The following NUP93 variants were observed in gnomAD, a reference collection of about 807,000 sequenced individuals.
NUP93 encodes the protein nuclear pore complex protein Nup93.
In NUP93, 55 loss-of-function variants were observed where a neutral mutation model predicts 107.8. The observed-to-expected ratio is 0.51, with a 90% confidence interval of 0.41 to 0.64. NUP93 has a LOEUF of 0.64. Among genes scored for constraint, NUP93 ranks in the 30% least tolerant of loss-of-function variants. The pLI is 0.00. For missense variants in NUP93, 937 were observed against 1,044.7 expected (o/e 0.90, Z 1.42); for synonymous variants, 390 against 397.5 (o/e 0.98, Z 0.22).
chr16:56,758,476 G>GTCCTAA (rs758146426), intron 2 of NUP93, 62 bp from the exon 3 acceptor site: 12 of 1,219,194 alleles, frequency 9.8e-6, no homozygotes, highest in Admixed American at 5.1e-5. Flanking sequence ...CATATTAGAT[G>GTCCTAA]TCCTAATCCT....
chr16:56,808,537 T>C (rs1417964778), intron 5 of NUP93, among the ~76,000 whole-genome samples: 7 of 118,268 alleles, frequency 5.9e-5, no homozygotes, highest in Non-Finnish European at 8.1e-5. Context: ...AATATAGTTA[T>C]ATAACTATAA....
intron 8 of NUP93, among the ~76,000 whole-genome samples, chr16:56,824,682 T>C (rs982254528): frequency 1.3e-5 from 2 of 152,218 alleles, no homozygotes; most frequent in Admixed American, 1.3e-4. Flanking sequence ...AAAACGATAC[T>C]TCATTAGGAA....
At chr16:56,822,660 A>G (rs76976871) in intron 7 of NUP93, among the ~76,000 whole-genome samples, 26,314 of 148,992 alleles carry the variant, frequency 0.18, 2,473 homozygotes, top group East Asian at 0.32. Context: ...TCCTGGGTTC[A>G]AGCGATTCTC....
In NUP93 at chr16:56,830,560, G is replaced by A. The variant is rs139266728; in HGVS notation, c.960G>A (p.Ala320=). ...DGEVEGHPVW[A]LIYYCMRCGD... The stretch of plus-strand genomic sequence containing the variant: ...AGGTGGAAGGCCATCCTGTGTGGGC[G>A]CTAATTTACTACTGCATGCGCTGTG... The change falls in exon 10 of 22, where the codon GCG becomes GCA. Residue 320 remains alanine, a synonymous_variant. Coordinates refer to ENST00000308159, the MANE Select transcript of NUP93 (RefSeq NM_014669.5). The A allele has an allele frequency of 7.6e-5, 121 of 1,595,518 alleles. No individual in the cohort carries two copies. The East Asian group carries it at 1.9e-3, about 25-fold the overall frequency.
chr16:56,814,688 C>T (rs1963384898), intron 5 of NUP93, among the ~76,000 whole-genome samples: 1 of 152,184 alleles, frequency 6.6e-6, no homozygotes, highest in Non-Finnish European at 1.5e-5. Context: ...AGTTTGTGCT[C>T]CCAGAGGCTG....
At chr16:56,742,749 G>A (rs1961759720) in intron 1 of NUP93, among the ~76,000 whole-genome samples, 1 of 152,108 alleles carries the variant, frequency 6.6e-6, no homozygotes, top group Admixed American at 6.5e-5. Flanking sequence ...TGTAGCTTTG[G>A]TGCTTTAATT....
rs1183100978 is a variant in NUP93, at chr16:56,771,143, A to G, written c.297+12488A>G. Among the ~76,000 whole-genome samples the G allele has an allele frequency of 4.6e-5, 7 of 152,300 alleles. No homozygotes were observed. In the East Asian group the frequency reaches 1.4e-3, roughly 29 times the overall value. ...GACTTTGTCCTAATTTGGAAGATTT[A>G]GGGGGAAGTAATAGGCCTGGAACTT... is the stretch of plus-strand genomic sequence containing the variant. On this transcript the variant is annotated intron_variant, in intron 3 of 21. Coordinates refer to ENST00000308159, the MANE Select transcript of NUP93 (RefSeq NM_014669.5).
intron 9 of NUP93, among the ~76,000 whole-genome samples, chr16:56,829,643 C>T (rs533874069): frequency 1.3e-5 from 2 of 152,308 alleles, no homozygotes; most frequent in Admixed American, 6.5e-5. Context: ...GTTCACCAAC[C>T]TGAAGTTTTG....
At position 56,833,393 on chromosome 16, in the gene NUP93, G is replaced by T; in HGVS notation, c.1524G>T (p.Gln508His). The T allele has an allele frequency of 1.3e-6, 2 of 1,551,432 alleles. No homozygotes were observed. The highest frequency in any genetic ancestry group is 1.7e-6 in the Non-Finnish European group (2 of 1,155,950). The change falls in exon 13 of 22, where the codon CAG becomes CAT. Residue 508 changes from glutamine to histidine, a missense_variant. Coordinates refer to ENST00000308159, the MANE Select transcript of NUP93 (RefSeq NM_014669.5). ...AGCTGCTTTTAAAGTCCTCTGGACA[G>T]AGTGCTCAGCTCCGTGAGTATTTGG... The part of the protein sequence containing the change: ...ELKLLLKSSG[Q>H]SAQLLSHEPG...
At chr16:56,817,994 T>TA (rs1379247136) in intron 5 of NUP93, among the ~76,000 whole-genome samples, 19 of 152,318 alleles carry the variant, frequency 1.2e-4, no homozygotes, top group Admixed American at 1.0e-3. Context: ...GACTGTATTT[T>TA]TATTGCACTC....
In NUP93 at chr16:56,844,438, G is replaced by A. The variant is rs560011653; in HGVS notation, c.2350-61G>A. On this transcript the variant is annotated intron_variant, in intron 21 of 21. Transcript: ENST00000308159. ...CATGGAATAGAGGATGGAAGAATATGGAATAGTGCCCTGACTCGAAAGTTA... is the reference window on the plus strand; with the variant it reads ...CATGGAATAGAGGATGGAAGAATATAGAATAGTGCCCTGACTCGAAAGTTA... 1.0e-4 allele frequency: 102 copies of A among 994,064 alleles called. No individual in the cohort carries two copies. In the African/African-American group the frequency reaches 1.5e-3, roughly 15 times the overall value. The allele number at this position is 994,064 out of a possible 1,614,324, so 61.6% of individuals were successfully genotyped here.
rs1963801516 is a variant in NUP93, at chr16:56,831,990, G to T, written c.1234G>T (p.Asp412Tyr). ...GAGTGAAGTGGCGGACAAAACTGAG[G>T]ATTACCTGTGGCTGAAGGTAGGCAC... The part of the protein sequence containing the change: ...NQSEVADKTE[D>Y]YLWLKLNQVC... The change falls in exon 11 of 22, where the codon GAT (aspartate) becomes TAT (tyrosine). Residue 412 changes from aspartate to tyrosine, a missense_variant. Physicochemically the swap from Asp to Tyr is radical, Grantham distance 160. Transcript: ENST00000308159. 6.2e-7 allele frequency: 1 copy of T among 1,614,088 alleles called. No individual in the cohort carries two copies. The highest frequency in any genetic ancestry group is 1.3e-5 in the African/African-American group (1 of 75,026).
At position 56,805,579 on chromosome 16, in the gene NUP93, C is replaced by T. The variant is rs1174264759; in HGVS notation, c.436C>T (p.His146Tyr). Residue 146 changes from histidine (H) to tyrosine (Y), a missense_variant, in exon 5 of 22, where the codon CAC becomes TAC. His to Tyr is a moderately conservative substitution (Grantham distance 83). Transcript: ENST00000308159. Reference protein sequence around the residue: ...EWEQVKQRILHTLLASGEDAL... With the variant: ...EWEQVKQRILYTLLASGEDAL... The stretch of plus-strand genomic sequence containing the variant: ...GGAGCAAGTGAAACAGCGAATTCTG[C>T]ACACACTGCTGGCATCAGGAGAAGA... 1 of 1,613,996 alleles carries T rather than the reference C, an allele frequency of 6.2e-7. No homozygotes were observed. Among genetic ancestry groups the T allele is most frequent in the African/African-American group, 1.3e-5 (1 of 74,926 alleles).
intron 3 of NUP93, among the ~76,000 whole-genome samples, chr16:56,766,549 G>A (rs1419093416): frequency 1.3e-5 from 2 of 152,192 alleles, no homozygotes; most frequent in Non-Finnish European, 2.9e-5. Flanking sequence ...TTTAAATGGT[G>A]GTTAAAGCCT....
chr16:56,740,126 G>A (rs1433025647), intron 1 of NUP93, among the ~76,000 whole-genome samples: 1 of 116,546 alleles, frequency 8.6e-6, no homozygotes, highest in Non-Finnish European at 1.8e-5. Flanking sequence ...GCGGGGGGCT[G>A]ACCCCCCCAC....
At chr16:56,768,678 A>G (rs1210883785) in intron 3 of NUP93, among the ~76,000 whole-genome samples, 1 of 151,138 alleles carries the variant, frequency 6.6e-6, no homozygotes. Context: ...CATCCTGGCT[A>G]ACACGGTGAA....
At position 56,818,584 on chromosome 16, in the gene NUP93, A is replaced by G. The variant is rs1205847913; in HGVS notation, c.490-80A>G. 43 of 1,115,212 alleles carry G rather than the reference A, an allele frequency of 3.9e-5. 1 individual carries two copies. In the South Asian group the frequency reaches 4.7e-4, roughly 12 times the overall value. The allele number at this position is 1,115,212 out of a possible 1,614,324, so 69.1% of individuals were successfully genotyped here. A position where few individuals can be genotyped will look rare whatever the true frequency, so the allele number is the denominator to read the frequency against. On this transcript the variant is annotated intron_variant, in intron 5 of 21. Transcript: ENST00000308159. ...TTTCACAGCTCTGTTAAAGACAAGA[A>G]TATGTTTATGATGTGATTTGATTTC... is the stretch of plus-strand genomic sequence containing the variant.
rs1963765076 is a variant in NUP93, at chr16:56,830,667, T to C, written c.1067T>C (p.Met356Thr). The change falls in exon 10 of 22, where the codon ATG (methionine) becomes ACG (threonine). Residue 356 changes from methionine (M) to threonine (T), a missense_variant. By Grantham distance (81) the Met-to-Thr change is moderately conservative. Coordinates refer to ENST00000308159, the MANE Select transcript of NUP93 (RefSeq NM_014669.5). ...TTTAAAACCTGGTTCCAGGAGTACA[T>C]GAACAGCAAGGACAGAAGGTATGGT... ...GEFKTWFQEYMNSKDRRLSPA... is the reference protein window; with the variant it reads ...GEFKTWFQEYTNSKDRRLSPA... 1.3e-6 allele frequency: 2 copies of C among 1,591,728 alleles called. No homozygotes were observed. The highest frequency in any genetic ancestry group is 2.2e-5 in the South Asian group (2 of 89,784).
At chr16:56,740,489 C>T (rs1961711217) in intron 1 of NUP93, among the ~76,000 whole-genome samples, 1 of 149,480 alleles carries the variant, frequency 6.7e-6, no homozygotes, top group Non-Finnish European at 1.5e-5. Flanking sequence ...AGAGGCGCTC[C>T]TCACTTCCTA....
Sources: gnomAD v4.1 joint callset for allele counts (sites outside exome capture counted in the v4.1 genomes callset) on GRCh38, gnomAD v4.1.1 for gene constraint, MANE v1.5 for transcripts, NCBI Gene and HGNC (gene_info 2026-07-23, HGNC 2026-07-21) for gene names.